ZNF787: variants seen among roughly 807,000 people sequenced by gnomAD.
ZNF787 encodes the protein zinc finger protein 787.
ZNF787 carries 7 observed loss-of-function variants against 16.9 expected under a neutral mutation model. The observed-to-expected ratio is 0.42, with a 90% CI of 0.24 to 0.78. The LOEUF (loss-of-function observed/expected upper bound fraction) is 0.78, where lower values mean the gene tolerates loss of function less well. Ranked by LOEUF, ZNF787 falls within the 30% of genes least tolerant of loss-of-function variation. The pLI is 0.30. For synonymous variants in ZNF787, 345 were observed against 270.9 expected, an observed-to-expected ratio of 1.27 and a Z score of -2.69; for missense variants, 551 against 589.3, an observed-to-expected ratio of 0.94 and a Z score of 0.67.
chr19:56,115,362 T>A (rs1015048088), intron 1 of ZNF787, among the ~76,000 whole-genome samples: 3 of 145,508 alleles, frequency 2.1e-5, no homozygotes, highest in African/African-American at 7.7e-5. Context: ...TGCTTTTTTT[T>A]TTTTTTTTTT....
chr19:56,096,022 T>C (rs866254477), intron 2 of ZNF787, among the ~76,000 whole-genome samples: 1 of 152,164 alleles, frequency 6.6e-6, no homozygotes, highest in South Asian at 2.1e-4. Context: ...TTTTGCTACC[T>C]GGTTGCCGTG....
rs1051651789 is a variant in ZNF787, at chr19:56,087,941, T to G, written c.*82A>C. 6.2e-5 allele frequency: 80 copies of G among 1,289,274 alleles called. No homozygotes were observed. Among genetic ancestry groups the G allele is most frequent in the Middle Eastern group, 3.0e-4 (1 of 3,328 alleles). 79.9% of individuals were successfully genotyped at this position (1,289,274 alleles called of 1,614,324 possible). Reference sequence around the variant, plus strand: ...GGGTCCATCGCACCCCGTCCGCTTCTCCCTGGGTCTCTTGGTCTTGCACGT... The same window carrying G: ...GGGTCCATCGCACCCCGTCCGCTTCGCCCTGGGTCTCTTGGTCTTGCACGT... On this transcript the variant is annotated 3_prime_UTR_variant, in exon 3 of 3. Coordinates refer to ENST00000610935, the MANE Select transcript of ZNF787 (RefSeq NM_001002836.4).
At chr19:56,095,243 C>T (rs957501226) in intron 2 of ZNF787, among the ~76,000 whole-genome samples, 5 of 152,168 alleles carry the variant, frequency 3.3e-5, no homozygotes, top group African/African-American at 9.6e-5. Flanking sequence ...CTCGCTCATG[C>T]GCCACTCACC....
intron 2 of ZNF787, among the ~76,000 whole-genome samples, chr19:56,098,170 G>A (rs918668947): frequency 6.6e-6 from 1 of 152,166 alleles, no homozygotes; most frequent in Non-Finnish European, 1.5e-5. Context: ...GCCACAGAAA[G>A]CTTTCCAACC....
At chr19:56,098,500 GGCCGCAGGGTGATACA>G (rs1311197361) in intron 2 of ZNF787, among the ~76,000 whole-genome samples, 2 of 149,720 alleles carry the variant, frequency 1.3e-5, no homozygotes, top group South Asian at 2.1e-4. Context: ...GGGTGATTAC[GGCCGCAGGGTGATACA>G]GCCGCAGGGT....
At chr19:56,114,331 G>A (rs998207814) in intron 1 of ZNF787, among the ~76,000 whole-genome samples, 23 of 151,550 alleles carry the variant, frequency 1.5e-4, no homozygotes, top group African/African-American at 5.3e-4. Context: ...CTCTCTGAGG[G>A]GCCGGGCTCA....
chr19:56,099,729 A>G (rs1250985134), intron 2 of ZNF787, among the ~76,000 whole-genome samples: 1 of 146,426 alleles, frequency 6.8e-6, no homozygotes, highest in African/African-American at 2.6e-5. Flanking sequence ...AAAAAAAGAA[A>G]AGAGAGAGAG....
In ZNF787 at chr19:56,118,290, G is replaced by C. The variant is rs573235936; in HGVS notation, c.-11+2882C>G. Among the ~76,000 whole-genome samples, 7 of 152,300 alleles carry C rather than the reference G, an allele frequency of 4.6e-5. No homozygotes were observed. In the South Asian group the frequency reaches 1.4e-3, roughly 32 times the overall value. On this transcript the variant is annotated intron_variant, in intron 1 of 2. Coordinates refer to ENST00000610935, the MANE Select transcript of ZNF787 (RefSeq NM_001002836.4). ...GAGCCACTTGTGCTTCTCCCACTATGCTGGGGTTCCCCTGAACCAGCCAGC... is the reference window on the plus strand; with the variant it reads ...GAGCCACTTGTGCTTCTCCCACTATCCTGGGGTTCCCCTGAACCAGCCAGC...
chr19:56,103,017 G>A (rs746449824), intron 2 of ZNF787, 122 bp downstream of exon 2: 5 of 1,067,648 alleles, frequency 4.7e-6, no homozygotes, highest in Non-Finnish European at 1.4e-6. Flanking sequence ...CCAGGGTCGG[G>A]TGGTCCCAGG....
Position 56,089,034 on chromosome 19 carries a change from G to GGACAGCTTGGTGGGAGGC in ZNF787, c.120_137dup (p.Thr43_Pro48dup). ...CGGCTGGGGGCGCAGACTGGGGCGG[G>GGACAGCTTGGTGGGAGGC]GACAGCTTGGTGGGAGGCCAGCTGG... On this transcript the variant is annotated inframe_insertion, in exon 3 of 3. Coordinates refer to ENST00000610935, the MANE Select transcript of ZNF787 (RefSeq NM_001002836.4). The GGACAGCTTGGTGGGAGGC allele has an allele frequency of 6.8e-7, 1 of 1,472,494 alleles. No individual in the cohort carries two copies. Among genetic ancestry groups the GGACAGCTTGGTGGGAGGC allele is most frequent in the Non-Finnish European group, 9.0e-7 (1 of 1,114,806 alleles). The allele number at this position is 1,472,494 out of a possible 1,614,324, so 91.2% of individuals were successfully genotyped here. A position where few individuals can be genotyped will look rare whatever the true frequency, so the allele number is the denominator to read the frequency against.
intron 1 of ZNF787, among the ~76,000 whole-genome samples, chr19:56,104,871 G>A (rs1402074540): frequency 6.6e-6 from 1 of 152,008 alleles, no homozygotes; most frequent in Non-Finnish European, 1.5e-5. Flanking sequence ...GCTCCCACCT[G>A]TAATCCCAGC....
At chr19:56,108,111 G>A (rs1359133048) in intron 1 of ZNF787, among the ~76,000 whole-genome samples, 1 of 152,084 alleles carries the variant, frequency 6.6e-6, no homozygotes, top group East Asian at 1.9e-4. Flanking sequence ...AGCAGTGTCT[G>A]TGCCAGGCAC....
At chr19:56,102,813 T>C (rs932453988) in intron 2 of ZNF787, 2 of 680,202 alleles carry the variant, frequency 2.9e-6, no homozygotes, top group Non-Finnish European at 5.4e-6. Flanking sequence ...GAGGCGGGGC[T>C]GTGGGGAGAG....
Position 56,106,012 on chromosome 19 carries a change from G to A in ZNF787, c.-10-2785C>T, listed in dbSNP as rs1467469236. Reference sequence around the variant, plus strand: ...CCTCCGCGCCCACGGCAGTCACCGCGCATTCCGCATTCCCCCCTCCGCGCC... The same window carrying A: ...CCTCCGCGCCCACGGCAGTCACCGCACATTCCGCATTCCCCCCTCCGCGCC... On this transcript the variant is annotated intron_variant, in intron 1 of 2. Coordinates refer to ENST00000610935, the MANE Select transcript of ZNF787 (RefSeq NM_001002836.4). Among the ~76,000 whole-genome samples, 3 of 97,136 alleles carry A rather than the reference G, an allele frequency of 3.1e-5. No homozygotes were observed. The East Asian group carries it at 1.1e-3, about 36-fold the overall frequency. 63.7% of individuals were successfully genotyped at this position (97,136 alleles called of 152,430 possible). A position where few individuals can be genotyped will look rare whatever the true frequency, so the allele number is the denominator to read the frequency against.
At chr19:56,110,874 G>A (rs1342326403) in intron 1 of ZNF787, among the ~76,000 whole-genome samples, 1 of 152,206 alleles carries the variant, frequency 6.6e-6, no homozygotes, top group Non-Finnish European at 1.5e-5. Flanking sequence ...GATCTGCCGC[G>A]AGCCAGGAGG....
chr19:56,117,359 G>A (rs1209365266), intron 1 of ZNF787, among the ~76,000 whole-genome samples: 2 of 151,388 alleles, frequency 1.3e-5, no homozygotes, highest in Admixed American at 6.6e-5. Context: ...GAGCCACAGC[G>A]AGGCTTCCAC....
intron 1 of ZNF787, among the ~76,000 whole-genome samples, chr19:56,108,539 T>G (rs1402632910): frequency 6.6e-6 from 1 of 152,014 alleles, no homozygotes; most frequent in African/African-American, 2.4e-5. Context: ...TCCTAACGCC[T>G]GCTACTCTGC....
intron 2 of ZNF787, among the ~76,000 whole-genome samples, chr19:56,091,889 C>T (rs511610): frequency 0.14 from 20,555 of 151,850 alleles, 1,898 homozygotes; most frequent in African/African-American, 0.27. Flanking sequence ...AGATGAGCCG[C>T]TCCACTTGCC....
chr19:56,099,483 G>A lies in ZNF787; in HGVS notation c.79+3656C>T, dbSNP rs1384283455. On this transcript the variant is annotated intron_variant, in intron 2 of 2. Coordinates refer to ENST00000610935, the MANE Select transcript of ZNF787 (RefSeq NM_001002836.4). The stretch of plus-strand genomic sequence containing the variant: ...ATCCCAACACTGGGAGGCCGAGGCG[G>A]GCAGATCACCTGAGGTCAGGAGTTC... Among the ~76,000 whole-genome samples, 5 of 152,160 alleles carry A rather than the reference G, an allele frequency of 3.3e-5. No homozygotes were observed. The East Asian group carries it at 7.7e-4, about 23-fold the overall frequency.
Sources: allele counts gnomAD v4.1 joint callset (sites outside exome capture counted in the v4.1 genomes callset), GRCh38; gene constraint gnomAD v4.1.1; transcripts MANE v1.5; gene names NCBI Gene and HGNC (gene_info 2026-07-23, HGNC 2026-07-21).